RNF213: variants seen among roughly 807,000 people sequenced by gnomAD.
RNF213 encodes the protein E3 ubiquitin-protein ligase RNF213.
Under a neutral mutation model 514.4 loss-of-function variants are expected in RNF213, and 341 were observed. The ratio of observed to expected loss-of-function variants is 0.66; its 90% CI spans 0.61 to 0.73. The LOEUF (loss-of-function observed/expected upper bound fraction) is 0.73. Ranked by LOEUF, RNF213 falls within the 30% of genes least tolerant of loss-of-function variation. The pLI, the probability that RNF213 is intolerant of heterozygous loss-of-function variation, is 0.00. For missense variants in RNF213, 5,767 were observed against 6,615.6 expected, an observed-to-expected ratio of 0.87 and a Z score of 4.45; for synonymous variants, 2,655 against 2,658.2, an observed-to-expected ratio of 1.00 and a Z score of 0.04.
At chr17:80,261,495 G>A (rs897205082) in intron 1 of RNF213, among the ~76,000 whole-genome samples, 8 of 152,206 alleles carry the variant, frequency 5.3e-5, no homozygotes, top group African/African-American at 9.6e-5. Context: ...GGCCCTGGGG[G>A]AGTCCAGGGC....
intron 25 of RNF213, 57 bp downstream of exon 25, chr17:80,338,054 G>T (rs2078040548): frequency 6.6e-7 from 1 of 1,525,658 alleles, no homozygotes; most frequent in East Asian, 2.4e-5. Context: ...GTCCGTGAGG[G>T]CTGTGTACTC....
rs748642172 is a variant in RNF213, at chr17:80,298,303, ATCTT to A, written c.2013-16_2013-13del. ...CCTGGCCAGCTCAGCTCACTGCGGGATCTTTATTCCCTTCCAGCTGGCGGCTGTA... is the reference window on the plus strand; with the variant it reads ...CCTGGCCAGCTCAGCTCACTGCGGGATATTCCCTTCCAGCTGGCGGCTGTA... On this transcript the variant is annotated splice_polypyrimidine_tract_variant and intron_variant, in intron 10 of 67. Transcript: ENST00000582970. 50 of 1,613,572 alleles carry A rather than the reference ATCTT, an allele frequency of 3.1e-5. No homozygotes were observed. Among genetic ancestry groups the A allele is most frequent in the Non-Finnish European group, 4.2e-5 (50 of 1,179,838 alleles).
rs767791421 is a variant in RNF213 at position 80,339,823 on chromosome 17, G to T, written c.5456G>T (p.Arg1819Leu). 1 of 1,534,776 alleles carries T rather than the reference G, an allele frequency of 6.5e-7. No homozygotes were observed. Among genetic ancestry groups the T allele is most frequent in the Non-Finnish European group, 8.7e-7 (1 of 1,145,056 alleles). ...LAGMGGSPVE[R>L]CLPRGLQVGQ... ...GGGATGGGTGGGTCTCCCGTGGAGC[G>T]TTGTCTCCCGAGAGGTCTGCAGGTC... The change falls in exon 26 of 68, where the codon CGT becomes CTT. Residue 1819 changes from arginine to leucine, a missense_variant. Arg to Leu is a moderately radical substitution (Grantham distance 102, BLOSUM62 -2). Coordinates refer to ENST00000582970, the MANE Select transcript of RNF213 (RefSeq NM_001256071.3).
At chr17:80,387,616 C>T (rs1445534514) in intron 63 of RNF213, among the ~76,000 whole-genome samples, 1 of 152,226 alleles carries the variant, frequency 6.6e-6, no homozygotes, top group African/African-American at 2.4e-5. Context: ...CCAGGTTCTT[C>T]AGTCCACGGC....
intron 3 of RNF213, among the ~76,000 whole-genome samples, chr17:80,283,564 C>G (rs901601791): frequency 6.6e-6 from 1 of 152,236 alleles, no homozygotes; most frequent in Non-Finnish European, 1.5e-5. Context: ...GCCCAACCTC[C>G]GTGTGCTGCT....
In RNF213 at chr17:80,347,757, G is replaced by T. The variant is rs1218129336; in HGVS notation, c.9422G>T (p.Arg3141Leu). Residue 3141 changes from arginine to leucine, a missense_variant, in exon 29 of 68, where the codon CGG (arginine) becomes CTG (leucine). Arg to Leu is a moderately radical substitution (Grantham distance 102). Around this residue, in one of 13 missense-constraint regions of RNF213, gnomAD observed 919 missense variants for 1,121.0 expected, o/e 0.82. Transcript: ENST00000582970. This position sits in a 1 kb window ranked among gnomAD's most constrained non-coding sequence, Gnocchi z 7.2. The stretch of plus-strand genomic sequence containing the variant: ...CTGGGGACCCACCGCGTCAAATGTC[G>T]GGTTCACCCCAACTTCCGCCTGATT... ...LGLGTHRVKC[R>L]VHPNFRLIVI... The T allele has an allele frequency of 6.2e-7, 1 of 1,614,152 alleles. No homozygotes were observed. Among genetic ancestry groups the T allele is most frequent in the Non-Finnish European group, 8.5e-7 (1 of 1,180,040 alleles).
At position 80,347,430 on chromosome 17, in the gene RNF213, G is replaced by C; in HGVS notation, c.9095G>C (p.Gly3032Ala). 1 of 1,614,028 alleles carries C rather than the reference G, an allele frequency of 6.2e-7. No homozygotes were observed. The highest frequency in any genetic ancestry group is 8.5e-7 in the Non-Finnish European group (1 of 1,180,042). ...IFGPSQKVPG[G>A]EQEDAESRYL... Reference sequence around the variant, plus strand: ...GGGCCTTCTCAGAAGGTGCCGGGTGGAGAGCAGGAAGATGCTGAGTCCCGC... The same window carrying C: ...GGGCCTTCTCAGAAGGTGCCGGGTGCAGAGCAGGAAGATGCTGAGTCCCGC... Residue 3032 changes from glycine (G) to alanine (A), a missense_variant, in exon 29 of 68, where the codon GGA becomes GCA. Around this residue, in one of 13 missense-constraint regions of RNF213, gnomAD observed 919 missense variants for 1,121.0 expected, o/e 0.82. Coordinates refer to ENST00000582970, the MANE Select transcript of RNF213 (RefSeq NM_001256071.3). The surrounding 1 kb of genome is among the most constrained non-coding windows in gnomAD (Gnocchi z 7.2).
intron 49 of RNF213, among the ~76,000 whole-genome samples, chr17:80,373,613 G>A (rs2079614044): frequency 6.6e-6 from 1 of 152,130 alleles, no homozygotes; most frequent in Non-Finnish European, 1.5e-5. Flanking sequence ...CGAATTAAAC[G>A]TAGTTCAGCT....
intron 59 of RNF213, among the ~76,000 whole-genome samples, chr17:80,384,435 T>G (rs1343995706): frequency 6.6e-6 from 1 of 152,206 alleles, no homozygotes; most frequent in Non-Finnish European, 1.5e-5. Context: ...CTTTCCTAAC[T>G]TTCACCCATT....
intron 42 of RNF213, among the ~76,000 whole-genome samples, chr17:80,366,293 CTGTT>C (rs2079270755): frequency 6.6e-6 from 1 of 152,172 alleles, no homozygotes; most frequent in Admixed American, 6.5e-5. Flanking sequence ...TTTGATAACT[CTGTT>C]TAACTTTATG....
At position 80,354,137 on chromosome 17, in the gene RNF213, G is replaced by T. The variant is rs1234077253; in HGVS notation, c.10697G>T (p.Gly3566Val). ...RNMRRVVLLL[G>V]LLNEDDACHA... is the part of the protein sequence containing the mutation. The stretch of plus-strand genomic sequence containing the variant: ...ATGCGGAGGGTGGTGCTCCTCCTGG[G>T]CCTCTTGAATGAGGATGACGCGTGC... The change falls in exon 35 of 68, where the codon GGC becomes GTC. Residue 3566 changes from glycine (G) to valine (V), a missense_variant. Physicochemically the swap from Gly to Val is moderately radical, Grantham distance 109. Around this residue, in one of 13 missense-constraint regions of RNF213, gnomAD observed 919 missense variants for 1,121.0 expected, o/e 0.82. Transcript: ENST00000582970. 1 of 1,614,052 alleles carries T rather than the reference G, an allele frequency of 6.2e-7. No individual in the cohort carries two copies. The highest frequency in any genetic ancestry group is 2.2e-5 in the East Asian group (1 of 44,878).
intron 60 of RNF213, 111 bp downstream of exon 60, chr17:80,385,282 C>G: frequency 1.5e-6 from 2 of 1,332,340 alleles, no homozygotes; most frequent in East Asian, 2.3e-5. Context: ...GATGGGTGCT[C>G]TATAGCCTAA....
At position 80,345,612 on chromosome 17, in the gene RNF213, A is replaced by C. The variant is rs750116307; in HGVS notation, c.7277A>C (p.Lys2426Thr). 5 of 1,614,092 alleles carry C rather than the reference A, an allele frequency of 3.1e-6. No individual in the cohort carries two copies. The Admixed American group carries it at 8.3e-5, about 27-fold the overall frequency. ...VIIMGETGCG[K>T]TRLIKFLSDL... Reference sequence around the variant, plus strand: ...ATCATGGGAGAAACTGGCTGTGGGAAAACCAGGCTTATTAAATTCCTTAGC... The same window carrying C: ...ATCATGGGAGAAACTGGCTGTGGGACAACCAGGCTTATTAAATTCCTTAGC... The change falls in exon 29 of 68, where the codon AAA (lysine) becomes ACA (threonine). Residue 2426 changes from lysine (K) to threonine (T), a missense_variant. Transcript: ENST00000582970. This position sits in a 1 kb window ranked among gnomAD's most constrained non-coding sequence, Gnocchi z 6.0.
chr17:80,290,922 G>A (rs2044700606), intron 7 of RNF213, among the ~76,000 whole-genome samples, 194 bp downstream of exon 7: 1 of 151,800 alleles, frequency 6.6e-6, no homozygotes, highest in Non-Finnish European at 1.5e-5. Flanking sequence ...CGATTCTCAT[G>A]CCTCAGCTCC....
rs1216355461 is a variant in RNF213, at chr17:80,342,641, CTATATATTTTT to C, written c.5990-490_5990-480del. 1.0e-4 allele frequency among the ~76,000 whole-genome samples: 15 copies of C among 144,638 alleles called. No individual in the cohort carries two copies. The South Asian group carries it at 3.0e-3, about 29-fold the overall frequency. The allele number at this position is 144,638 out of a possible 152,430, so 94.9% of individuals were successfully genotyped here. ...TTCTATATAGATTTCTATATATATT[CTATATATTTTT>C]ACATATATAATATATATTCTATATA... On this transcript the variant is annotated intron_variant, in intron 26 of 67. Transcript: ENST00000582970.
chr17:80,369,149 A>G (rs528558163), intron 44 of RNF213, among the ~76,000 whole-genome samples: 3 of 152,318 alleles, frequency 2.0e-5, no homozygotes, highest in African/African-American at 7.2e-5. Context: ...CTGTAATCCC[A>G]GCACTCTGGG....
chr17:80,298,305 C>A lies in RNF213; in HGVS notation c.2013-16C>A. The stretch of plus-strand genomic sequence containing the variant: ...TGGCCAGCTCAGCTCACTGCGGGAT[C>A]TTTATTCCCTTCCAGCTGGCGGCTG... On this transcript the variant is annotated splice_polypyrimidine_tract_variant and intron_variant, in intron 10 of 67. Coordinates refer to ENST00000582970, the MANE Select transcript of RNF213 (RefSeq NM_001256071.3). The A allele has an allele frequency of 6.2e-7, 1 of 1,613,668 alleles. No individual in the cohort carries two copies. Among genetic ancestry groups the A allele is most frequent in the Non-Finnish European group, 8.5e-7 (1 of 1,179,796 alleles).
chr17:80,346,666 C>G lies in RNF213; in HGVS notation c.8331C>G (p.Leu2777=). ...LVGKPGSSKS[L]AKTIVADAMQ... Reference sequence around the variant, plus strand: ...GGAAGCCCGGCAGCTCCAAGTCTCTCGCCAAGACCATCGTGGCAGACGCCA... The same window carrying G: ...GGAAGCCCGGCAGCTCCAAGTCTCTGGCCAAGACCATCGTGGCAGACGCCA... Residue 2777 remains leucine (L), a synonymous_variant, in exon 29 of 68, where the codon CTC becomes CTG. Transcript: ENST00000582970. This position sits in a 1 kb window ranked among gnomAD's most constrained non-coding sequence, Gnocchi z 8.1. The G allele has an allele frequency of 6.2e-7, 1 of 1,611,648 alleles. No individual in the cohort carries two copies. Among genetic ancestry groups the G allele is most frequent in the Non-Finnish European group, 8.5e-7 (1 of 1,180,010 alleles).
At chr17:80,364,100 G>A (rs947077973) in intron 41 of RNF213, among the ~76,000 whole-genome samples, 2 of 152,180 alleles carry the variant, frequency 1.3e-5, no homozygotes, top group African/African-American at 4.8e-5. Flanking sequence ...GGGCGGGCAG[G>A]TGCACAGAGC....
Sources: gnomAD v4.1 joint callset for allele counts (sites outside exome capture counted in the v4.1 genomes callset) on GRCh38, gnomAD v4.1.1 for gene constraint, gnomAD v4.1.1 regional missense constraint, Gnocchi (gnomAD v3.1) non-coding constraint, MANE v1.5 for transcripts, NCBI Gene and HGNC (gene_info 2026-07-23, HGNC 2026-07-21) for gene names.